Variants in PPFIA2 observed in about 807,000 individuals in gnomAD.
The protein encoded by PPFIA2 is PPFI scaffold protein A2.
Under a neutral mutation model 175.5 loss-of-function variants are expected in PPFIA2, and 46 were observed. That is an observed-to-expected ratio of 0.26 (90% CI 0.21 to 0.34). The LOEUF is 0.34. Ranked by LOEUF, PPFIA2 falls within the 10% of genes least tolerant of loss-of-function variation. The probability of loss-of-function intolerance (pLI) is 1.00; values close to 1 mark genes in which losing one functional copy is unlikely to be tolerated. For missense variants in PPFIA2, 1,179 were observed against 1,506.1 expected (o/e 0.78, Z 3.60); for synonymous variants, 568 against 511.4 (o/e 1.11, Z -1.49).
chr12:81,477,307 C>G (rs2057601942), intron 4 of PPFIA2, among the ~76,000 whole-genome samples: 1 of 152,076 alleles, frequency 6.6e-6, no homozygotes, highest in Admixed American at 6.6e-5. Context: ...GAGCTACTTT[C>G]AATTATTTGA....
At chr12:81,493,752 G>GTATATATATA (rs1265967686) in intron 4 of PPFIA2, among the ~76,000 whole-genome samples, 3 of 65,238 alleles carry the variant, frequency 4.6e-5, no homozygotes, top group African/African-American at 1.3e-4. Context: ...GTGTGTGTGT[G>GTATATATATA]TCTATATATA....
At chr12:81,382,458 G>T (rs144515372) in intron 9 of PPFIA2, among the ~76,000 whole-genome samples, 2 of 152,258 alleles carry the variant, frequency 1.3e-5, no homozygotes, top group East Asian at 1.9e-4. Context: ...TGAGCTGAAC[G>T]CATGAGCAGG....
chr12:81,553,345 AT>A (rs2068267909), intron 4 of PPFIA2, among the ~76,000 whole-genome samples: 1 of 152,042 alleles, frequency 6.6e-6, no homozygotes, highest in African/African-American at 2.4e-5. Context: ...GGTAAATTGT[AT>A]TTTTCAAAGA....
At chr12:81,342,519 T>C (rs1193961205) in intron 19 of PPFIA2, among the ~76,000 whole-genome samples, 1 of 152,120 alleles carries the variant, frequency 6.6e-6, no homozygotes, top group Non-Finnish European at 1.5e-5. Context: ...CAATCTTAGG[T>C]TCCTTTTAAC....
intron 4 of PPFIA2, among the ~76,000 whole-genome samples, chr12:81,524,603 T>C (rs1333068680): frequency 3.3e-5 from 5 of 152,260 alleles, no homozygotes; most frequent in Non-Finnish European, 5.9e-5. Context: ...TGCCTCAGAA[T>C]GAATTGTATC....
chr12:81,743,242 C>A (rs2082550082), intron 3 of PPFIA2, among the ~76,000 whole-genome samples: 1 of 150,974 alleles, frequency 6.6e-6, no homozygotes, highest in Non-Finnish European at 1.5e-5. Flanking sequence ...CACAGTGAAA[C>A]CCCATCTCTA....
intron 15 of PPFIA2, among the ~76,000 whole-genome samples, chr12:81,360,244 A>G (rs1431505673): frequency 2.0e-5 from 3 of 151,770 alleles, no homozygotes; most frequent in African/African-American, 7.2e-5. Flanking sequence ...TCAATTTTTA[A>G]ATCATTCTAG....
intron 4 of PPFIA2, among the ~76,000 whole-genome samples, chr12:81,582,847 T>G (rs1042882696): frequency 5.9e-5 from 9 of 151,882 alleles, no homozygotes; most frequent in Non-Finnish European, 1.3e-4. Context: ...AAATACATTT[T>G]CTTGGAATTT....
At chr12:81,405,193 T>C (rs972167546) in intron 8 of PPFIA2, among the ~76,000 whole-genome samples, 1 of 152,156 alleles carries the variant, frequency 6.6e-6, no homozygotes, top group Admixed American at 6.6e-5. Context: ...AGGAGAATCA[T>C]TCCATTATAA....
At chr12:81,576,496 A>C (rs1188275976) in intron 4 of PPFIA2, among the ~76,000 whole-genome samples, 1 of 151,794 alleles carries the variant, frequency 6.6e-6, no homozygotes, top group African/African-American at 2.4e-5. Flanking sequence ...GACCCTTTAG[A>C]TAAGGCCTAC....
intron 4 of PPFIA2, among the ~76,000 whole-genome samples, chr12:81,580,522 G>T (rs975026199): frequency 1.3e-5 from 2 of 151,320 alleles, no homozygotes; most frequent in South Asian, 2.1e-4. Context: ...ATAAAGTACA[G>T]GTAGCCTGAT....
At chr12:81,726,970 A>G (rs1180618622) in intron 3 of PPFIA2, among the ~76,000 whole-genome samples, 1 of 151,334 alleles carries the variant, frequency 6.6e-6, no homozygotes, top group Non-Finnish European at 1.5e-5. Flanking sequence ...GTCTTAGAAT[A>G]AAGAAGACAT....
At chr12:81,466,031 T>C (rs149810642) in intron 4 of PPFIA2, among the ~76,000 whole-genome samples, 2 of 152,282 alleles carry the variant, frequency 1.3e-5, no homozygotes, top group Non-Finnish European at 2.9e-5. Context: ...CATCCAAAAT[T>C]ACTGTGCAAA....
chr12:81,553,157 G>C (rs2068232670), intron 4 of PPFIA2, among the ~76,000 whole-genome samples: 2 of 151,914 alleles, frequency 1.3e-5, no homozygotes, highest in Admixed American at 6.6e-5. Context: ...TCTTAGGCGA[G>C]CTGTAATCTG....
chr12:81,580,827 G>T (rs1021191626), intron 4 of PPFIA2, among the ~76,000 whole-genome samples: 1 of 151,632 alleles, frequency 6.6e-6, no homozygotes, highest in South Asian at 2.1e-4. Context: ...TATATATTTA[G>T]ACATTTATTG....
intron 7 of PPFIA2, among the ~76,000 whole-genome samples, chr12:81,422,759 T>A (rs2046501561): frequency 6.6e-6 from 1 of 152,054 alleles, no homozygotes; most frequent in East Asian, 1.9e-4. Flanking sequence ...GAATTCAAGA[T>A]GAGATTTGGG....
intron 4 of PPFIA2, among the ~76,000 whole-genome samples, chr12:81,462,548 A>ATG (rs1216600179): frequency 3.8e-5 from 5 of 130,456 alleles, no homozygotes; most frequent in South Asian, 4.7e-4. Context: ...ATGTATGTAT[A>ATG]TGTGTGTGTG....
At chr12:81,759,172 T>TC (rs2085141767) in intron 1 of PPFIA2, 108 bp downstream of exon 1, 1 of 14,244 alleles carries the variant, frequency 7.0e-5, no homozygotes, top group African/African-American at 2.7e-4. Flanking sequence ...CGGCCCCCCT[T>TC]CCCTCCCCCC....
chr12:81,390,566 A>T (rs1200779487), intron 8 of PPFIA2, among the ~76,000 whole-genome samples: 1 of 151,952 alleles, frequency 6.6e-6, no homozygotes, highest in Non-Finnish European at 1.5e-5. Context: ...GTTCATTTGT[A>T]TATCTTATTT....
Sources: allele counts gnomAD v4.1 joint callset (sites outside exome capture counted in the v4.1 genomes callset), GRCh38; gene constraint gnomAD v4.1.1; transcripts MANE v1.5; gene names NCBI Gene and HGNC (gene_info 2026-07-23, HGNC 2026-07-21).